The following GPC3 variants were observed in gnomAD, a reference collection of about 807,000 sequenced individuals.
GPC3 encodes glypican 3.
A neutral mutation model predicts 34.4 loss-of-function variants in GPC3; 3 were observed. The ratio of observed to expected loss-of-function variants is 0.09; its 90% CI spans 0.04 to 0.23. The LOEUF is 0.23. Among genes scored for constraint, GPC3 ranks in the 10% least tolerant of loss-of-function variants. GPC3 has a pLI of 1.00. For synonymous variants in GPC3, 177 were observed against 174.0 expected (o/e 1.02, Z -0.13); for missense variants, 351 against 445.6 (o/e 0.79, Z 1.91).
chrX:133,938,999 T>C (rs1231394135), intron 2 of GPC3, among the ~76,000 whole-genome samples: 1 of 111,862 alleles, frequency 8.9e-6, no homozygotes, highest in East Asian at 2.8e-4. Flanking sequence ...TCTTAAATAA[T>C]TCTCCTTCTT....
At chrX:133,747,863 G>T (rs1459224539) in intron 3 of GPC3, among the ~76,000 whole-genome samples, 1 of 112,229 alleles carries the variant, frequency 8.9e-6, no homozygotes, top group Non-Finnish European at 1.9e-5. Flanking sequence ...AGTAATGGTG[G>T]TAGAAAAGGT....
intron 2 of GPC3, among the ~76,000 whole-genome samples, chrX:133,923,131 T>TACACAC (rs375148219): frequency 8.3e-5 from 9 of 107,864 alleles, no homozygotes; most frequent in South Asian, 4.0e-4. Context: ...TACACGCGTG[T>TACACAC]ACACACACAC....
chrX:133,755,729 T>G (rs1243744761), intron 2 of GPC3, among the ~76,000 whole-genome samples: 1 of 111,811 alleles, frequency 8.9e-6, no homozygotes, highest in East Asian at 2.8e-4. Flanking sequence ...TTTTGTTTGT[T>G]TGTTTGTTTG....
At position 133,634,473 on chromosome X, in the gene GPC3, C is replaced by G. The variant is rs146928595; in HGVS notation, c.1413+27257G>C. 9.0e-3 allele frequency among the ~76,000 whole-genome samples: 1,012 copies of G among 111,995 alleles called. 15 individuals carry two copies. Among genetic ancestry groups the G allele is most frequent in the African/African-American group, 0.03 (919 of 30,834 alleles). ...TGAATATTCTTAACAAAATGTATAC[C>G]TGTACAATGGAATGCTACTCAGCAA... is the stretch of plus-strand genomic sequence containing the variant. On this transcript the variant is annotated intron_variant, in intron 6 of 7. Coordinates refer to ENST00000370818, the MANE Select transcript of GPC3 (RefSeq NM_004484.4).
At chrX:133,641,015 CTT>C (rs3216445) in intron 6 of GPC3, among the ~76,000 whole-genome samples, 2 of 102,486 alleles carry the variant, frequency 2.0e-5, no homozygotes, top group Non-Finnish European at 4.0e-5. Flanking sequence ...TTTAGTTTAG[CTT>C]TTTTTTTTTG....
chrX:133,858,761 A>T, intron 2 of GPC3, among the ~76,000 whole-genome samples: 1 of 111,865 alleles, frequency 8.9e-6, no homozygotes, highest in East Asian at 2.8e-4. Context: ...TCCATGTAAC[A>T]TTTTGTCCTA....
At position 133,925,825 on chromosome X, in the gene GPC3, A is replaced by G. The variant is rs7053838; in HGVS notation, c.337+27225T>C. Among the ~76,000 whole-genome samples the G allele has an allele frequency of 3.3e-3, 366 of 111,974 alleles. 2 individuals carry two copies. Among genetic ancestry groups the G allele is most frequent in the African/African-American group, 0.012 (359 of 30,793 alleles). On this transcript the variant is annotated intron_variant, in intron 2 of 7. Transcript: ENST00000370818. ...TGGGCAATTCCGAGTACCACAATTT[A>G]GAAGGATAACAACCAAGTAGAAACC... is the stretch of plus-strand genomic sequence containing the variant.
chrX:133,682,411 G>T (rs1342163783), intron 5 of GPC3, among the ~76,000 whole-genome samples: 2 of 111,587 alleles, frequency 1.8e-5, no homozygotes, highest in African/African-American at 6.5e-5. Context: ...AAAAAATCCA[G>T]TTTACCTTTA....
At chrX:133,850,189 G>GTTTTTTTTTTTTTTTTT in intron 2 of GPC3, among the ~76,000 whole-genome samples, 1 of 72,678 alleles carries the variant, frequency 1.4e-5, no homozygotes, top group Non-Finnish European at 2.4e-5. Flanking sequence ...TGTTTTTTGG[G>GTTTTTTTTTTTTTTTTT]TTTTGTTTTT....
chrX:133,880,639 G>A (rs1185386638), intron 2 of GPC3, among the ~76,000 whole-genome samples: 1 of 111,745 alleles, frequency 8.9e-6, no homozygotes, highest in Non-Finnish European at 1.9e-5. Flanking sequence ...GATCCACCAC[G>A]GTAAAAGACT....
At chrX:133,769,264 T>C (rs189422839) in intron 2 of GPC3, among the ~76,000 whole-genome samples, 1 of 112,051 alleles carries the variant, frequency 8.9e-6, no homozygotes, top group Admixed American at 9.5e-5. Context: ...ATCATTCAAT[T>C]GGTACAAAGT....
At chrX:133,965,894 TA>T (rs199698458) in intron 1 of GPC3, among the ~76,000 whole-genome samples, 3,982 of 108,490 alleles carry the variant, frequency 0.037, 63 homozygotes, top group East Asian at 0.1. Context: ...ATAGAAGGAG[TA>T]GGGGGGAGAG....
intron 2 of GPC3, among the ~76,000 whole-genome samples, chrX:133,844,600 G>C (rs914003461): frequency 9.0e-6 from 1 of 111,268 alleles, no homozygotes; most frequent in African/African-American, 3.3e-5. Context: ...AATCCATTTT[G>C]CTTTCCAGAA....
intron 6 of GPC3, among the ~76,000 whole-genome samples, chrX:133,609,423 G>A (rs2070085421): frequency 8.9e-6 from 1 of 112,279 alleles, no homozygotes; most frequent in East Asian, 2.8e-4. Context: ...GAAGGAATGT[G>A]AAATTGAACA....
chrX:133,794,236 C>T (rs1026759284), intron 2 of GPC3, among the ~76,000 whole-genome samples: 1 of 111,776 alleles, frequency 8.9e-6, no homozygotes, highest in East Asian at 2.8e-4. Flanking sequence ...GTGTCTGTTC[C>T]ATTTTTAACT....
intron 2 of GPC3, among the ~76,000 whole-genome samples, chrX:133,858,719 G>A (rs750187392): frequency 9.0e-6 from 1 of 111,655 alleles, no homozygotes; most frequent in East Asian, 2.8e-4. Context: ...GTTTGGGTTG[G>A]GGGGTGGGGA....
At chrX:133,869,887 A>G (rs1468021315) in intron 2 of GPC3, among the ~76,000 whole-genome samples, 6 of 112,422 alleles carry the variant, frequency 5.3e-5, no homozygotes, top group South Asian at 3.7e-4. Flanking sequence ...CCCAGGAGGC[A>G]GAGCTTGCAG....
At position 133,554,817 on chromosome X, in the gene GPC3, C is replaced by A. The variant is rs776408473; in HGVS notation, c.1574-18524G>T. Among the ~76,000 whole-genome samples, 3 of 112,237 alleles carry A rather than the reference C, an allele frequency of 2.7e-5. No individual in the cohort carries two copies. The Admixed American group carries it at 2.8e-4, about 11-fold the overall frequency. ...GTCAGGAATAAGAACCCCTTCCCTTCCCTTGTTCAGGTGTGCTCTTGCCAT... is the reference window on the plus strand; with the variant it reads ...GTCAGGAATAAGAACCCCTTCCCTTACCTTGTTCAGGTGTGCTCTTGCCAT... On this transcript the variant is annotated intron_variant, in intron 7 of 7. Coordinates refer to ENST00000370818, the MANE Select transcript of GPC3 (RefSeq NM_004484.4).
chrX:133,849,570 C>T (rs189457812), intron 2 of GPC3, among the ~76,000 whole-genome samples: 7 of 110,967 alleles, frequency 6.3e-5, no homozygotes, highest in African/African-American at 2.3e-4. Flanking sequence ...TGGTAAGCTT[C>T]CCTTCGACCA....
Sources: allele counts gnomAD v4.1 joint callset (sites outside exome capture counted in the v4.1 genomes callset), GRCh38; gene constraint gnomAD v4.1.1; transcripts MANE v1.5; gene names NCBI Gene and HGNC (gene_info 2026-07-23, HGNC 2026-07-21).